SLC1A6: variants seen among roughly 807,000 people sequenced by gnomAD.
SLC1A6 encodes the protein solute carrier family 1 member 6, also known as excitatory amino acid transporter 4.
In SLC1A6, 15 loss-of-function variants were observed where a neutral mutation model predicts 42.1. That is an observed-to-expected ratio of 0.36 (90% CI 0.24 to 0.55). SLC1A6 has a LOEUF of 0.55. SLC1A6 is among the 20% of genes least tolerant of loss of function. The pLI, the probability that SLC1A6 is intolerant of heterozygous loss-of-function variation, is 0.88. For synonymous variants in SLC1A6, 317 were observed against 319.7 expected (o/e 0.99, Z 0.09); for missense variants, 542 against 772.5 (o/e 0.70, Z 3.54).
Position 14,962,233 on chromosome 19 carries a change from C to T in SLC1A6, c.704G>A (p.Ser235Asn), listed in dbSNP as rs969775067. Reference sequence around the variant, plus strand: ...GGCCCGAGTGACATTTTCCAGGAAGCTGGTTCCGTTCTCCACTGAGAATGG... The same window carrying T: ...GGCCCGAGTGACATTTTCCAGGAAGTTGGTTCCGTTCTCCACTGAGAATGG... The part of the protein sequence containing the change: ...PPPFSVENGT[S>N]FLENVTRALG... Residue 235 changes from serine to asparagine, a missense_variant, in exon 6 of 10, where the codon AGC (serine) becomes AAC (asparagine). Transcript: ENST00000594383. The T allele has an allele frequency of 6.2e-7, 1 of 1,614,206 alleles. No individual in the cohort carries two copies. Among genetic ancestry groups the T allele is most frequent in the African/African-American group, 1.3e-5 (1 of 75,064 alleles).
At chr19:14,966,923 T>A (rs1305727942) in intron 4 of SLC1A6, among the ~76,000 whole-genome samples, 2 of 152,078 alleles carry the variant, frequency 1.3e-5, no homozygotes, top group Non-Finnish European at 2.9e-5. Flanking sequence ...AAATACCTAA[T>A]GCATGCGGGG....
intron 3 of SLC1A6, among the ~76,000 whole-genome samples, chr19:14,970,015 G>A (rs2045619285): frequency 1.3e-5 from 2 of 152,076 alleles, no homozygotes; most frequent in African/African-American, 4.8e-5. Flanking sequence ...TGAAGACAAA[G>A]GGGATGAAGA....
At chr19:14,966,085 G>A (rs62113273) in intron 4 of SLC1A6, among the ~76,000 whole-genome samples, 27,107 of 152,046 alleles carry the variant, frequency 0.18, 2,843 homozygotes, top group South Asian at 0.27. Flanking sequence ...TAGGTACAAT[G>A]TACACTACTA....
chr19:14,985,096 G>A (rs761496043), intron 1 of SLC1A6, among the ~76,000 whole-genome samples: 3 of 152,256 alleles, frequency 2.0e-5, no homozygotes, highest in Non-Finnish European at 4.4e-5. Flanking sequence ...TGGCCAGGCT[G>A]GTCTTGAACT....
intron 1 of SLC1A6, among the ~76,000 whole-genome samples, chr19:14,995,391 GGAAGA>G (rs2045841254): frequency 7.4e-6 from 1 of 134,670 alleles, no homozygotes; most frequent in African/African-American, 2.8e-5. Flanking sequence ...GGAAGGGAAG[GGAAGA>G]AAAAGAAAGT....
At chr19:14,994,552 A>G (rs1234817231) in intron 1 of SLC1A6, among the ~76,000 whole-genome samples, 3 of 152,158 alleles carry the variant, frequency 2.0e-5, no homozygotes, top group African/African-American at 7.2e-5. Flanking sequence ...CAGGGGTTAG[A>G]GAGAATGCAA....
chr19:15,010,182 T>TCAAAAAAAAAAAA (rs1568304819), intron 1 of SLC1A6, among the ~76,000 whole-genome samples: 1 of 34,292 alleles, frequency 2.9e-5, no homozygotes, highest in African/African-American at 8.4e-5. Flanking sequence ...CAAGACTCTA[T>TCAAAAAAAAAAAA]GAAAAAAAAA....
intron 1 of SLC1A6, among the ~76,000 whole-genome samples, chr19:14,985,404 G>A (rs1046273071): frequency 4.6e-5 from 7 of 152,120 alleles, no homozygotes; most frequent in African/African-American, 9.7e-5. Context: ...CATTCTCCTG[G>A]TAATGAGTGA....
chr19:14,989,297 G>C (rs747990288), intron 1 of SLC1A6, among the ~76,000 whole-genome samples: 7 of 152,064 alleles, frequency 4.6e-5, no homozygotes, highest in Non-Finnish European at 8.8e-5. Flanking sequence ...GTTTCACTCT[G>C]GTTGCCCAGG....
In SLC1A6 at chr19:14,968,284, G is replaced by GT. The variant is rs1200428468; in HGVS notation, c.548+18dup. 3 of 1,587,226 alleles carry GT rather than the reference G, an allele frequency of 1.9e-6. No individual in the cohort carries two copies. Among genetic ancestry groups the GT allele is most frequent in the Admixed American group, 3.4e-5 (2 of 58,052 alleles). On this transcript the variant is annotated intron_variant, in intron 4 of 9. Coordinates refer to ENST00000594383, the MANE Select transcript of SLC1A6 (RefSeq NM_005071.3). ...TCCTTTTTCAAATGTGTATATTGTG[G>GT]TTTTTTAGGTTGGCACACCTGATCA...
intron 1 of SLC1A6, among the ~76,000 whole-genome samples, chr19:14,991,410 A>C (rs2045819311): frequency 6.6e-6 from 1 of 152,170 alleles, no homozygotes; most frequent in African/African-American, 2.4e-5. Context: ...AGATCACTAG[A>C]GGTCAGGAGT....
intron 1 of SLC1A6, among the ~76,000 whole-genome samples, chr19:14,996,542 T>C (rs1024687605): frequency 7.0e-5 from 10 of 143,186 alleles, no homozygotes; most frequent in African/African-American, 2.7e-4. Context: ...TTCTTCTTCT[T>C]CTTCTTCTTC....
intron 1 of SLC1A6, among the ~76,000 whole-genome samples, chr19:14,986,592 T>C (rs1422294331): frequency 1.1e-5 from 1 of 89,614 alleles, no homozygotes; most frequent in East Asian, 3.2e-4. Flanking sequence ...TAAATGAAAC[T>C]GGCTTTTTTT....
At chr19:14,953,889 C>T (rs1462116097) in intron 8 of SLC1A6, among the ~76,000 whole-genome samples, 1 of 152,202 alleles carries the variant, frequency 6.6e-6, no homozygotes, top group African/African-American at 2.4e-5. Flanking sequence ...AAACACTGGA[C>T]AAATGGATCT....
intron 6 of SLC1A6, 76 bp from the exon 7 acceptor site, chr19:14,956,785 GC>G (rs1229186846): frequency 3.0e-6 from 3 of 990,972 alleles, no homozygotes; most frequent in Non-Finnish European, 4.6e-6. Context: ...CATCCCCAAG[GC>G]TTTGCCCATA....
At chr19:14,998,314 G>T (rs1188938748) in intron 1 of SLC1A6, among the ~76,000 whole-genome samples, 1 of 152,150 alleles carries the variant, frequency 6.6e-6, no homozygotes, top group Non-Finnish European at 1.5e-5. Flanking sequence ...GCCAAGGTGG[G>T]CAGATCACTT....
chr19:14,950,667 A>G (rs2045402435), intron 9 of SLC1A6, among the ~76,000 whole-genome samples: 1 of 152,142 alleles, frequency 6.6e-6, no homozygotes. Context: ...AAAAGATCAT[A>G]TCATTAAAAA....
chr19:14,971,851 G>A lies in SLC1A6; in HGVS notation c.229C>T (p.Arg77Cys), dbSNP rs377473242. Reference protein sequence around the residue: ...VIGVSLAFALRPYQLTYRQIK... With the variant: ...VIGVSLAFALCPYQLTYRQIK... ...TGGCGGTAGGTGAGCTGATATGGGC[G>A]CAGGGCAAAGGCCAGGCTGACCCCT... Residue 77 changes from arginine (R) to cysteine (C), a missense_variant, in exon 3 of 10, where the codon CGC (arginine) becomes TGC (cysteine). Around this residue, in one of 6 missense-constraint regions of SLC1A6, gnomAD observed 25 missense variants for 32.3 expected, o/e 0.77. Transcript: ENST00000594383. 8.7e-6 allele frequency: 14 copies of A among 1,614,016 alleles called. No homozygotes were observed. The highest frequency in any genetic ancestry group is 6.7e-5 in the Admixed American group (4 of 60,002).
In SLC1A6 at chr19:14,972,622, G is replaced by GAGA. The variant is rs2045654398; in HGVS notation, c.205+83_205+84insTCT. On this transcript the variant is annotated intron_variant, in intron 2 of 9. Transcript: ENST00000594383. ...GTGCAGGTGAGAATGAAGGGGTGCA[G>GAGA]CAAAGAGATGTGTAGAGGCCAGGAA... The GAGA allele has an allele frequency of 6.1e-6, 7 of 1,150,158 alleles. No individual in the cohort carries two copies. The Admixed American group carries it at 1.3e-4, about 21-fold the overall frequency. The allele number at this position is 1,150,158 out of a possible 1,614,324, so 71.2% of individuals were successfully genotyped here. A position where few individuals can be genotyped will look rare whatever the true frequency, so the allele number is the denominator to read the frequency against.
Sources: allele counts gnomAD v4.1 joint callset (sites outside exome capture counted in the v4.1 genomes callset), GRCh38; gene constraint gnomAD v4.1.1; regional missense constraint gnomAD v4.1.1; transcripts MANE v1.5; gene names NCBI Gene and HGNC (gene_info 2026-07-23, HGNC 2026-07-21).